IPCEF1: variants seen among roughly 807,000 people sequenced by gnomAD.
IPCEF1 encodes the protein interaction protein for cytohesin exchange factors 1, also known as interactor protein for cytohesin exchange factors 1.
Under a neutral mutation model 50.9 loss-of-function variants are expected in IPCEF1, and 31 were observed. The ratio of observed to expected loss-of-function variants is 0.61; its 90% CI spans 0.46 to 0.82. The LOEUF (loss-of-function observed/expected upper bound fraction) is 0.82, where lower values mean the gene tolerates loss of function less well. Ranked by LOEUF, IPCEF1 falls within the 40% of genes least tolerant of loss-of-function variation. IPCEF1 has a pLI of 0.00. For synonymous variants in IPCEF1, 181 were observed against 192.0 expected (o/e 0.94, Z 0.47); for missense variants, 458 against 514.0 (o/e 0.89, Z 1.05).
intron 2 of IPCEF1, among the ~76,000 whole-genome samples, chr6:154,281,039 A>C (rs1047673555): frequency 6.6e-6 from 1 of 151,960 alleles, no homozygotes; most frequent in South Asian, 2.1e-4. Flanking sequence ...CCATCTCAAC[A>C]AAAAAATTTA....
chr6:154,159,695 G>C lies in IPCEF1; in HGVS notation c.*133C>G, dbSNP rs1798856900. On this transcript the variant is annotated 3_prime_UTR_variant, in exon 12 of 12. Coordinates refer to ENST00000367220, the MANE Select transcript of IPCEF1 (RefSeq NM_001130700.2). Reference sequence around the variant, plus strand: ...TTCGGTGATTATCTTCATCTAACGTGCATCTTTAGATGGGAAGCTGATGCT... The same window carrying C: ...TTCGGTGATTATCTTCATCTAACGTCCATCTTTAGATGGGAAGCTGATGCT... 1.5e-6 allele frequency: 1 copy of C among 684,012 alleles called. No individual in the cohort carries two copies. The allele number at this position is 684,012 out of a possible 1,614,324, so 42.4% of individuals were successfully genotyped here.
At chr6:154,209,105 T>C (rs920143602) in intron 9 of IPCEF1, among the ~76,000 whole-genome samples, 3 of 152,232 alleles carry the variant, frequency 2.0e-5, no homozygotes, top group Non-Finnish European at 2.9e-5. Flanking sequence ...TCATTGTTTA[T>C]CTTGACTCTA....
chr6:154,229,860 T>G (rs1165218171), intron 5 of IPCEF1, among the ~76,000 whole-genome samples: 1 of 152,208 alleles, frequency 6.6e-6, no homozygotes. Context: ...GACACAGCCA[T>G]ACGACGAAAT....
chr6:154,273,910 C>T (rs1374652379), intron 2 of IPCEF1, among the ~76,000 whole-genome samples: 4 of 151,288 alleles, frequency 2.6e-5, no homozygotes, highest in African/African-American at 2.4e-5. Flanking sequence ...CCCGCCACCA[C>T]ACCCGGCTAA....
At chr6:154,195,882 C>T (rs1192560475) in intron 10 of IPCEF1, among the ~76,000 whole-genome samples, 2 of 151,176 alleles carry the variant, frequency 1.3e-5, no homozygotes, top group South Asian at 4.2e-4. Context: ...ACCTCTGCCT[C>T]GCAGGTTCAA....
chr6:154,327,988 C>T (rs947666912), intron 1 of IPCEF1, among the ~76,000 whole-genome samples: 4 of 152,126 alleles, frequency 2.6e-5, no homozygotes, highest in African/African-American at 4.8e-5. Flanking sequence ...CCAAATACAA[C>T]ATGTTCTCAG....
In IPCEF1 at chr6:154,162,836, T is replaced by G. The variant is rs185852001; in HGVS notation, c.1105-2796A>C. Among the ~76,000 whole-genome samples, 510 of 152,242 alleles carry G rather than the reference T, an allele frequency of 3.3e-3. 1 individual carries two copies. The highest frequency in any genetic ancestry group is 5.0e-3 in the Non-Finnish European group (342 of 67,990). On this transcript the variant is annotated intron_variant, in intron 11 of 11. Coordinates refer to ENST00000367220, the MANE Select transcript of IPCEF1 (RefSeq NM_001130700.2). The stretch of plus-strand genomic sequence containing the variant: ...TTTGTCTAAACTTCCTCTTCAGCAG[T>G]TCCACATCAACCCCTAAGAGGCATC...
At chr6:154,321,778 TAAAAAAAAAAAAAAAA>T (rs61648946) in intron 1 of IPCEF1, among the ~76,000 whole-genome samples, 12 of 51,936 alleles carry the variant, frequency 2.3e-4, no homozygotes, top group Non-Finnish European at 5.0e-4. Context: ...AGACTCTTTC[TAAAAAAAAAAAAAAAA>T]AAAAAAAAAA....
At chr6:154,216,409 T>C (rs1408553837) in intron 7 of IPCEF1, among the ~76,000 whole-genome samples, 2 of 151,942 alleles carry the variant, frequency 1.3e-5, no homozygotes, top group East Asian at 1.9e-4. Flanking sequence ...TCCAAATTTG[T>C]AATGGAAATT....
At chr6:154,193,356 C>T (rs1486612140) in intron 10 of IPCEF1, among the ~76,000 whole-genome samples, 3 of 152,088 alleles carry the variant, frequency 2.0e-5, no homozygotes, top group Middle Eastern at 3.4e-3. Context: ...TTTGGGGACT[C>T]GGGGGAAAGG....
rs148256828 is a variant in IPCEF1 at position 154,307,688 on chromosome 6, C to T, written c.-61-17932G>A. ...ATAATAAAATCACACAAATACTAGA[C>T]AATTTATTTAGATTTCGACTTTTTC... is the stretch of plus-strand genomic sequence containing the variant. On this transcript the variant is annotated intron_variant, in intron 1 of 11. Coordinates refer to ENST00000367220, the MANE Select transcript of IPCEF1 (RefSeq NM_001130700.2). Among the ~76,000 whole-genome samples, 378 of 152,312 alleles carry T rather than the reference C, an allele frequency of 2.5e-3. 2 individuals carry two copies. The highest frequency in any genetic ancestry group is 2.9e-3 in the Admixed American group (44 of 15,304).
chr6:154,263,288 C>T (rs899239365), intron 3 of IPCEF1, among the ~76,000 whole-genome samples: 3 of 143,056 alleles, frequency 2.1e-5, no homozygotes, highest in Admixed American at 7.1e-5. Context: ...GGGTGTTTCT[C>T]GCAGAGGGGG....
chr6:154,186,554 CTTTT>C (rs887854064), intron 10 of IPCEF1, among the ~76,000 whole-genome samples: 1 of 149,564 alleles, frequency 6.7e-6, no homozygotes, highest in African/African-American at 2.4e-5. Context: ...TCCTTTCTTT[CTTTT>C]TTTCTCTTTT....
At chr6:154,204,264 A>G (rs942602406) in intron 9 of IPCEF1, among the ~76,000 whole-genome samples, 1 of 152,186 alleles carries the variant, frequency 6.6e-6, no homozygotes, top group African/African-American at 2.4e-5. Flanking sequence ...CAAGTTTGAC[A>G]TGGTGAAAAA....
chr6:154,247,340 T>TA, intron 4 of IPCEF1, 109 bp downstream of exon 4: 1 of 806,518 alleles, frequency 1.2e-6, no homozygotes, highest in Non-Finnish European at 2.1e-6. Context: ...CACCTCCTCT[T>TA]ATTAGCATTA....
chr6:154,239,460 C>T (rs1360318591), intron 5 of IPCEF1, among the ~76,000 whole-genome samples: 1 of 152,138 alleles, frequency 6.6e-6, no homozygotes, highest in African/African-American at 2.4e-5. Flanking sequence ...TCAAGAAAGT[C>T]CTCAATCATT....
At chr6:154,324,498 T>C (rs116908652) in intron 1 of IPCEF1, among the ~76,000 whole-genome samples, 3,725 of 152,222 alleles carry the variant, frequency 0.024, 71 homozygotes, top group Non-Finnish European at 0.039. Flanking sequence ...TTTTTGGATC[T>C]GAGAAGGCTT....
chr6:154,334,990 T>A (rs141820154), intron 1 of IPCEF1, among the ~76,000 whole-genome samples: 3,215 of 152,094 alleles, frequency 0.021, 60 homozygotes, highest in Non-Finnish European at 0.032. Context: ...GAATAATTGT[T>A]TTTTTCTTCC....
intron 1 of IPCEF1, among the ~76,000 whole-genome samples, chr6:154,301,807 G>A (rs140466701): frequency 3.3e-5 from 5 of 152,186 alleles, no homozygotes; most frequent in African/African-American, 9.6e-5. Context: ...TATCTCAAAG[G>A]AGGTAGTACT....
Sources: gnomAD v4.1 joint callset for allele counts (sites outside exome capture counted in the v4.1 genomes callset) on GRCh38, gnomAD v4.1.1 for gene constraint, MANE v1.5 for transcripts, NCBI Gene and HGNC (gene_info 2026-07-23, HGNC 2026-07-21) for gene names.